The following AKIRIN2 variants were observed in gnomAD, a reference collection of about 807,000 sequenced individuals.
AKIRIN2 encodes akirin 2, also known as akirin-2.
Under a neutral mutation model 29.3 loss-of-function variants are expected in AKIRIN2, and 6 were observed. The ratio of observed to expected loss-of-function variants is 0.20; its 90% CI spans 0.11 to 0.40. The LOEUF (loss-of-function observed/expected upper bound fraction) is 0.40. Among genes scored for constraint, AKIRIN2 ranks in the 10% least tolerant of loss-of-function variants. The probability of loss-of-function intolerance (pLI) is 1.00; values close to 1 mark genes in which losing one functional copy is unlikely to be tolerated. For missense variants in AKIRIN2, 210 were observed against 276.1 expected (o/e 0.76, Z 1.70); for synonymous variants, 128 against 117.5 (o/e 1.09, Z -0.58).
chr6:87,691,576 T>C (rs1429878487), intron 1 of AKIRIN2, among the ~76,000 whole-genome samples: 1 of 152,090 alleles, frequency 6.6e-6, no homozygotes, highest in African/African-American at 2.4e-5. Flanking sequence ...GGCATGTGAC[T>C]GCTTAGGGAG....
intron 1 of AKIRIN2, among the ~76,000 whole-genome samples, chr6:87,688,503 T>C (rs760068071): frequency 1.3e-5 from 2 of 152,040 alleles, no homozygotes; most frequent in African/African-American, 2.4e-5. Context: ...CCCAGCACTT[T>C]GGGAGGCCAA....
In AKIRIN2 at chr6:87,677,869, C is replaced by T. The variant is rs1771049211; in HGVS notation, c.478G>A (p.Glu160Lys). 6.2e-7 allele frequency: 1 copy of T among 1,614,124 alleles called. No individual in the cohort carries two copies. Among genetic ancestry groups the T allele is most frequent in the Non-Finnish European group, 8.5e-7 (1 of 1,180,014 alleles). Residue 160 changes from glutamate to lysine, a missense_variant, in exon 3 of 5, where the codon GAA becomes AAA. Transcript: ENST00000257787. ...MICERLLKER[E>K]EKVREEYEEI... ...TCATATTCTTCTCGAACTTTCTCTT[C>T]ACGTTCTTTCAACAAACGTTCACAG... is the stretch of plus-strand genomic sequence containing the variant.
intron 1 of AKIRIN2, among the ~76,000 whole-genome samples, chr6:87,688,410 G>A (rs1006663482): frequency 6.6e-6 from 1 of 151,832 alleles, no homozygotes; most frequent in Non-Finnish European, 1.5e-5. Context: ...GGGATTACAG[G>A]CTGATCCATC....
chr6:87,701,743 G>A lies in AKIRIN2; in HGVS notation c.-59C>T, dbSNP rs1472773794. ...GGGTCGGGGACGGGTGACGAAAGAAGAGGGTGAGGGAAGGGGTGAAGAGCG... is the reference window on the plus strand; with the variant it reads ...GGGTCGGGGACGGGTGACGAAAGAAAAGGGTGAGGGAAGGGGTGAAGAGCG... On this transcript the variant is annotated 5_prime_UTR_variant, in exon 1 of 5. Coordinates refer to ENST00000257787, the MANE Select transcript of AKIRIN2 (RefSeq NM_018064.4). The A allele has an allele frequency of 2.4e-6, 3 of 1,235,414 alleles. No homozygotes were observed. Among genetic ancestry groups the A allele is most frequent in the South Asian group, 1.7e-5 (1 of 57,154 alleles). The allele number at this position is 1,235,414 out of a possible 1,614,324, so 76.5% of individuals were successfully genotyped here.
chr6:87,701,715 G>A lies in AKIRIN2; in HGVS notation c.-31C>T. ...GGGGCAGCTGAGGCGCCGGGCTCGG[G>A]TGGGGTCGGGGACGGGTGACGAAAG... On this transcript the variant is annotated 5_prime_UTR_variant, in exon 1 of 5. Coordinates refer to ENST00000257787, the MANE Select transcript of AKIRIN2 (RefSeq NM_018064.4). 4 of 1,405,946 alleles carry A rather than the reference G, an allele frequency of 2.8e-6. No individual in the cohort carries two copies. The highest frequency in any genetic ancestry group is 3.7e-6 in the Non-Finnish European group (4 of 1,073,570). 87.1% of individuals were successfully genotyped at this position (1,405,946 alleles called of 1,614,324 possible).
chr6:87,684,624 C>T (rs1771161950), intron 1 of AKIRIN2, among the ~76,000 whole-genome samples: 1 of 152,184 alleles, frequency 6.6e-6, no homozygotes, highest in Admixed American at 6.5e-5. Context: ...TAAATAGAAT[C>T]ATAAAGAGTG....
intron 1 of AKIRIN2, among the ~76,000 whole-genome samples, chr6:87,689,979 A>C (rs1291237615): frequency 6.6e-6 from 1 of 152,214 alleles, no homozygotes; most frequent in Non-Finnish European, 1.5e-5. Context: ...TGGGAGGCCA[A>C]GGCAGTTGGT....
rs1424429612 is a variant in AKIRIN2 at position 87,675,333 on chromosome 6, AAT to A, written c.*262_*263del. On this transcript the variant is annotated 3_prime_UTR_variant, in exon 5 of 5. Transcript: ENST00000257787. Reference sequence around the variant, plus strand: ...CCAGCTTTAATCCTTTTCAAACATTAATATAAGAAGCCAAATTGTAATGATAC... The same window carrying A: ...CCAGCTTTAATCCTTTTCAAACATTAATAAGAAGCCAAATTGTAATGATAC... The A allele has an allele frequency of 9.7e-6, 5 of 514,964 alleles. No homozygotes were observed. The highest frequency in any genetic ancestry group is 9.5e-5 in the African/African-American group (5 of 52,744). 31.9% of individuals were successfully genotyped at this position (514,964 alleles called of 1,614,324 possible).
chr6:87,701,827 G>A lies in AKIRIN2; in HGVS notation c.-143C>T, dbSNP rs1019496073. ...GAGCCAAGCGGGTCGCGGAGCGCCG[G>A]CTGTGGAAAGGAGAGCCGCTGCCGC... On this transcript the variant is annotated 5_prime_UTR_variant, in exon 1 of 5. Coordinates refer to ENST00000257787, the MANE Select transcript of AKIRIN2 (RefSeq NM_018064.4). 4 of 550,526 alleles carry A rather than the reference G, an allele frequency of 7.3e-6. No homozygotes were observed. Among genetic ancestry groups the A allele is most frequent in the East Asian group, 3.5e-5 (1 of 28,582 alleles). 34.1% of individuals were successfully genotyped at this position (550,526 alleles called of 1,614,324 possible).
At chr6:87,682,054 C>G (rs1771129767) in intron 1 of AKIRIN2, among the ~76,000 whole-genome samples, 1 of 152,184 alleles carries the variant, frequency 6.6e-6, no homozygotes, top group African/African-American at 2.4e-5. Context: ...ACCAAAACAC[C>G]TATTTTACTC....
intron 1 of AKIRIN2, among the ~76,000 whole-genome samples, chr6:87,687,691 A>T (rs1771210735): frequency 6.6e-6 from 1 of 152,338 alleles, no homozygotes; most frequent in African/African-American, 2.4e-5. Flanking sequence ...TTTGAAAGAA[A>T]CGACTCAATT....
At chr6:87,689,847 C>T (rs1450713394) in intron 1 of AKIRIN2, among the ~76,000 whole-genome samples, 1 of 152,194 alleles carries the variant, frequency 6.6e-6, no homozygotes, top group Non-Finnish European at 1.5e-5. Flanking sequence ...CTAGTTCCCT[C>T]CTAGTTTACT....
chr6:87,693,528 G>A (rs537592781), intron 1 of AKIRIN2, among the ~76,000 whole-genome samples: 1 of 152,252 alleles, frequency 6.6e-6, no homozygotes, highest in African/African-American at 2.4e-5. Flanking sequence ...AGGAGTTCAA[G>A]ATCAGCCTGA....
intron 1 of AKIRIN2, among the ~76,000 whole-genome samples, chr6:87,683,127 C>T (rs1020743318): frequency 5.9e-5 from 9 of 151,946 alleles, no homozygotes; most frequent in Non-Finnish European, 1.0e-4. Flanking sequence ...TTAGATACTG[C>T]CTGTTTCATT....
intron 1 of AKIRIN2, among the ~76,000 whole-genome samples, chr6:87,682,616 C>T (rs1054803938): frequency 6.6e-6 from 1 of 152,192 alleles, no homozygotes; most frequent in African/African-American, 2.4e-5. Flanking sequence ...ACTACACCTC[C>T]ATACTCCATA....
In AKIRIN2 at chr6:87,697,154, C is replaced by CA. The variant is rs767228711; in HGVS notation, c.235+4295dup. 2.6e-3 allele frequency among the ~76,000 whole-genome samples: 393 copies of CA among 149,586 alleles called. 1 individual carries two copies. Among genetic ancestry groups the CA allele is most frequent in the African/African-American group, 8.9e-3 (362 of 40,528 alleles). On this transcript the variant is annotated intron_variant, in intron 1 of 4. Transcript: ENST00000257787. Reference sequence around the variant, plus strand: ...TGAAACCCCATCTCTACTAAAAATACAAAACAAAATCAGCCAGGTGTGGTG... The same window carrying CA: ...TGAAACCCCATCTCTACTAAAAATACAAAAACAAAATCAGCCAGGTGTGGTG...
At chr6:87,676,596 A>AACACACGCACGCGCGCGCGCACAC (rs1485678233) in intron 3 of AKIRIN2, among the ~76,000 whole-genome samples, 2 of 142,046 alleles carry the variant, frequency 1.4e-5, no homozygotes, top group African/African-American at 5.4e-5. Flanking sequence ...CTCTACTAAA[A>AACACACGCACGCGCGCGCGCACAC]ACACACACAC....
chr6:87,695,145 T>C (rs931324361), intron 1 of AKIRIN2, among the ~76,000 whole-genome samples: 3 of 152,218 alleles, frequency 2.0e-5, no homozygotes, highest in Admixed American at 6.5e-5. Flanking sequence ...AAAATTCTTA[T>C]ACATGGGGCT....
chr6:87,689,544 C>A (rs186158359), intron 1 of AKIRIN2, among the ~76,000 whole-genome samples: 1 of 152,276 alleles, frequency 6.6e-6, no homozygotes, highest in Non-Finnish European at 1.5e-5. Context: ...AACTCAGCCC[C>A]ATGGACATGA....
Sources: allele counts gnomAD v4.1 joint callset (sites outside exome capture counted in the v4.1 genomes callset), GRCh38; gene constraint gnomAD v4.1.1; transcripts MANE v1.5; gene names NCBI Gene and HGNC (gene_info 2026-07-23, HGNC 2026-07-21).